PCSK5: variants seen among roughly 807,000 people sequenced by gnomAD.
The protein encoded by PCSK5 is proprotein convertase subtilisin/kexin type 5.
Under a neutral mutation model 233.2 loss-of-function variants are expected in PCSK5, and 129 were observed. That is an observed-to-expected ratio of 0.55 (90% CI 0.48 to 0.64). The LOEUF is 0.64. Ranked by LOEUF, PCSK5 falls within the 30% of genes least tolerant of loss-of-function variation. PCSK5 has a pLI of 0.00. For missense variants in PCSK5, 2,076 were observed against 2,430.1 expected, an observed-to-expected ratio of 0.85 and a Z score of 3.06; for synonymous variants, 825 against 879.2, an observed-to-expected ratio of 0.94 and a Z score of 1.09.
intron 24 of PCSK5, among the ~76,000 whole-genome samples, chr9:76,288,412 G>A (rs79404080): frequency 6.6e-6 from 1 of 152,186 alleles, no homozygotes; most frequent in Non-Finnish European, 1.5e-5. Flanking sequence ...TTTTCTGCTA[G>A]AATACTGAGA....
At chr9:76,223,998 G>A (rs1181859833) in intron 20 of PCSK5, among the ~76,000 whole-genome samples, 2 of 152,098 alleles carry the variant, frequency 1.3e-5, no homozygotes, top group African/African-American at 4.8e-5. Context: ...TATGAGAATG[G>A]GAGAAGCCTT....
intron 19 of PCSK5, 105 bp downstream of exon 19, chr9:76,189,328 G>A: frequency 1.1e-6 from 1 of 942,138 alleles, no homozygotes; most frequent in Admixed American, 2.1e-5. Flanking sequence ...GATAACACTA[G>A]GTTTAAACAT....
chr9:76,051,932 C>CTTA (rs1303559753), intron 5 of PCSK5, among the ~76,000 whole-genome samples: 1 of 152,126 alleles, frequency 6.6e-6, no homozygotes, highest in Non-Finnish European at 1.5e-5. Context: ...ATTTGAGAGT[C>CTTA]CTAATAGACC....
At chr9:76,131,287 G>C (rs764344769) in intron 9 of PCSK5, among the ~76,000 whole-genome samples, 46 of 152,202 alleles carry the variant, frequency 3.0e-4, no homozygotes, top group Non-Finnish European at 5.9e-4. Flanking sequence ...ATAATGTCCA[G>C]CAAAATTAAC....
intron 24 of PCSK5, among the ~76,000 whole-genome samples, chr9:76,282,062 T>C (rs1445049890): frequency 6.9e-6 from 1 of 145,588 alleles, no homozygotes; most frequent in Non-Finnish European, 1.5e-5. Context: ...ATTTTTTTCT[T>C]TCTTTTTTTT....
At chr9:76,199,945 C>T (rs1046538235) in intron 20 of PCSK5, among the ~76,000 whole-genome samples, 7 of 152,128 alleles carry the variant, frequency 4.6e-5, no homozygotes, top group Non-Finnish European at 8.8e-5. Context: ...ATCTCTCCCA[C>T]CTCAGTAAAT....
rs189550595 is a variant in PCSK5, at chr9:76,104,864, A to G, written c.1108-2387A>G. ...GGGTGAGATAAAATAGGAAGAATGC[A>G]GGCAAGGCCGTCTCAACAACAGCAG... is the stretch of plus-strand genomic sequence containing the variant. On this transcript the variant is annotated intron_variant, in intron 8 of 37. Coordinates refer to ENST00000674117, the MANE Select transcript of PCSK5 (RefSeq NM_001372043.1). Among the ~76,000 whole-genome samples the G allele has an allele frequency of 2.8e-4, 42 of 152,324 alleles. No individual in the cohort carries two copies. In the Middle Eastern group the frequency reaches 0.014, roughly 49 times the overall value.
chr9:76,048,049 C>T (rs1283557222), intron 5 of PCSK5, among the ~76,000 whole-genome samples: 1 of 152,106 alleles, frequency 6.6e-6, no homozygotes, highest in African/African-American at 2.4e-5. Context: ...CGTTGCCGTC[C>T]TTGTTGATTT....
At chr9:75,965,988 T>C (rs1318281078) in intron 2 of PCSK5, among the ~76,000 whole-genome samples, 1 of 152,166 alleles carries the variant, frequency 6.6e-6, no homozygotes, top group African/African-American at 2.4e-5. Context: ...GGACACATTA[T>C]AGACAGATAT....
chr9:76,122,962 C>T (rs1345862364), intron 9 of PCSK5, among the ~76,000 whole-genome samples: 2 of 150,750 alleles, frequency 1.3e-5, no homozygotes. Context: ...CTCAGCCTCC[C>T]GAGTAGCTGG....
intron 32 of PCSK5, 84 bp downstream of exon 32, chr9:76,323,372 C>A: frequency 1.3e-6 from 1 of 779,796 alleles, no homozygotes; most frequent in South Asian, 1.8e-5. Flanking sequence ...TCATCTCAAT[C>A]TTTTTTTTGT....
At chr9:76,288,007 C>G (rs563278960) in intron 24 of PCSK5, 81 of 152,262 alleles carry the variant, frequency 5.3e-4, no homozygotes, top group African/African-American at 1.9e-3. Context: ...TAAGACATGT[C>G]TGATACAGAA....
intron 12 of PCSK5, among the ~76,000 whole-genome samples, chr9:76,161,612 C>T (rs1235793007): frequency 6.6e-6 from 1 of 152,128 alleles, no homozygotes; most frequent in Non-Finnish European, 1.5e-5. Context: ...GCTTGAAAAA[C>T]TCAACCTCTT....
At chr9:76,016,161 T>A (rs1456177713) in intron 3 of PCSK5, among the ~76,000 whole-genome samples, 1 of 152,246 alleles carries the variant, frequency 6.6e-6, no homozygotes, top group African/African-American at 2.4e-5. Flanking sequence ...TAATGATACC[T>A]AACATGTAGT....
intron 1 of PCSK5, among the ~76,000 whole-genome samples, chr9:75,906,319 G>A (rs889632457): frequency 7.2e-5 from 11 of 152,126 alleles, no homozygotes; most frequent in Admixed American, 6.5e-4. Flanking sequence ...TCCGCCTCCC[G>A]GGTTCAAGCA....
chr9:76,246,699 G>A (rs1344400337), intron 24 of PCSK5, among the ~76,000 whole-genome samples: 1 of 152,188 alleles, frequency 6.6e-6, no homozygotes. Flanking sequence ...TGGAAGACTG[G>A]TTGAATGAAT....
intron 7 of PCSK5, among the ~76,000 whole-genome samples, chr9:76,080,352 C>G (rs1830790852): frequency 6.6e-6 from 1 of 152,164 alleles, no homozygotes; most frequent in Non-Finnish European, 1.5e-5. Flanking sequence ...AGAATCCCTT[C>G]TTTGTAATTA....
intron 16 of PCSK5, among the ~76,000 whole-genome samples, chr9:76,184,405 A>G (rs776537925): frequency 6.7e-6 from 1 of 149,700 alleles, no homozygotes; most frequent in Non-Finnish European, 1.5e-5. Context: ...AAAGACCTAT[A>G]AACTATTCAA....
intron 15 of PCSK5, among the ~76,000 whole-genome samples, chr9:76,180,136 T>A (rs1823796685): frequency 6.6e-6 from 1 of 150,474 alleles, no homozygotes; most frequent in Middle Eastern, 3.2e-3. Flanking sequence ...CGTACACACG[T>A]TTTGGAACAA....
Sources: allele counts gnomAD v4.1 joint callset (sites outside exome capture counted in the v4.1 genomes callset), GRCh38; gene constraint gnomAD v4.1.1; transcripts MANE v1.5; gene names NCBI Gene and HGNC (gene_info 2026-07-23, HGNC 2026-07-21).